The following MAP3K7CL variants were observed in gnomAD, a reference collection of about 807,000 sequenced individuals.
MAP3K7CL encodes the protein MAP3K7 C-terminal like, also known as MAP3K7 C-terminal-like protein.
A neutral mutation model predicts 18.6 loss-of-function variants in MAP3K7CL; 16 were observed. That is an observed-to-expected ratio of 0.86 (90% CI 0.58 to 1.31). The LOEUF (loss-of-function observed/expected upper bound fraction) is 1.31. Ranked by LOEUF, MAP3K7CL falls within the 50% of genes most tolerant of loss-of-function variation. MAP3K7CL has a pLI of 0.00. For synonymous variants in MAP3K7CL, 65 were observed against 66.8 expected (o/e 0.97, Z 0.13); for missense variants, 163 against 174.4 (o/e 0.93, Z 0.37).
intron 1 of MAP3K7CL, among the ~76,000 whole-genome samples, chr21:29,089,571 C>G (rs1236494596): frequency 2.0e-5 from 3 of 152,146 alleles, no homozygotes; most frequent in Non-Finnish European, 4.4e-5. Flanking sequence ...ATACTTGACA[C>G]CATTAAGCTT....
chr21:29,171,631 A>G (rs1030187741), intron 4 of MAP3K7CL, among the ~76,000 whole-genome samples: 9 of 152,092 alleles, frequency 5.9e-5, no homozygotes, highest in African/African-American at 2.2e-4. Flanking sequence ...AACATGGTGA[A>G]ACCCCATCTC....
intron 3 of MAP3K7CL, among the ~76,000 whole-genome samples, chr21:29,151,903 AT>A (rs2087284862): frequency 6.6e-6 from 1 of 152,220 alleles, no homozygotes; most frequent in Admixed American, 6.5e-5. Flanking sequence ...CTATTTAATT[AT>A]TTTATTCCAA....
chr21:29,150,109 A>G (rs935469588), intron 3 of MAP3K7CL, among the ~76,000 whole-genome samples: 1 of 152,092 alleles, frequency 6.6e-6, no homozygotes, highest in Non-Finnish European at 1.5e-5. Context: ...GCCCTGACAT[A>G]CCCTATTATC....
At chr21:29,138,088 T>C (rs1030262978) in intron 2 of MAP3K7CL, among the ~76,000 whole-genome samples, 1 of 152,218 alleles carries the variant, frequency 6.6e-6, no homozygotes, top group Admixed American at 6.5e-5. Context: ...TTTTCAGTGA[T>C]AGCAGAATGA....
intron 3 of MAP3K7CL, among the ~76,000 whole-genome samples, chr21:29,156,939 C>T (rs148120168): frequency 2.6e-5 from 4 of 151,984 alleles, no homozygotes; most frequent in East Asian, 3.9e-4. Flanking sequence ...GTGAATGGCT[C>T]GAGATTATAA....
intron 2 of MAP3K7CL, among the ~76,000 whole-genome samples, chr21:29,141,769 A>G (rs2087014087): frequency 6.6e-6 from 1 of 152,146 alleles, no homozygotes; most frequent in Admixed American, 6.5e-5. Flanking sequence ...GGGCCCTGAA[A>G]ATCCAATGTA....
At chr21:29,162,071 A>G (rs1264126165) in intron 4 of MAP3K7CL, among the ~76,000 whole-genome samples, 2 of 152,204 alleles carry the variant, frequency 1.3e-5, no homozygotes, top group Non-Finnish European at 2.9e-5. Context: ...TTGCATGATT[A>G]CACACAGTTG....
At chr21:29,079,577 A>C (rs1304933660) in intron 1 of MAP3K7CL, among the ~76,000 whole-genome samples, 1 of 152,344 alleles carries the variant, frequency 6.6e-6, no homozygotes, top group African/African-American at 2.4e-5. Context: ...GGTTCTGCTA[A>C]ATTTTCAGAA....
intron 4 of MAP3K7CL, among the ~76,000 whole-genome samples, chr21:29,165,146 T>C (rs2087653628): frequency 6.6e-6 from 1 of 152,292 alleles, no homozygotes; most frequent in African/African-American, 2.4e-5. Context: ...TACAATCAAC[T>C]GTAAAGTTTG....
In MAP3K7CL at chr21:29,168,968, G is replaced by C. The variant is rs1200100289; in HGVS notation, c.249-5744G>C. Among the ~76,000 whole-genome samples, 3 of 152,196 alleles carry C rather than the reference G, an allele frequency of 2.0e-5. No individual in the cohort carries two copies. In the East Asian group the frequency reaches 5.8e-4, roughly 29 times the overall value. On this transcript the variant is annotated intron_variant, in intron 4 of 4. Coordinates refer to ENST00000399928, the MANE Select transcript of MAP3K7CL (RefSeq NM_001286620.2). Reference sequence around the variant, plus strand: ...AGGATTAATTCTTGTCAGGTTGATTGATAGTGGGAATCTCCACTTCCTTTA... The same window carrying C: ...AGGATTAATTCTTGTCAGGTTGATTCATAGTGGGAATCTCCACTTCCTTTA...
intron 2 of MAP3K7CL, among the ~76,000 whole-genome samples, chr21:29,142,899 CTG>C (rs1414156683): frequency 6.6e-6 from 1 of 152,214 alleles, no homozygotes; most frequent in African/African-American, 2.4e-5. Flanking sequence ...AAATGCAAGT[CTG>C]TGTCCTACTG....
At chr21:29,140,034 C>T (rs2086972121) in intron 2 of MAP3K7CL, among the ~76,000 whole-genome samples, 1 of 149,376 alleles carries the variant, frequency 6.7e-6, no homozygotes, top group African/African-American at 2.5e-5. Context: ...TCATTATGAA[C>T]TCTCTCGAAT....
At chr21:29,170,419 A>C (rs571263578) in intron 4 of MAP3K7CL, among the ~76,000 whole-genome samples, 2 of 152,320 alleles carry the variant, frequency 1.3e-5, no homozygotes, top group South Asian at 4.1e-4. Flanking sequence ...AATCAAAATT[A>C]ATGACAGATA....
chr21:29,105,127 T>G (rs1312538219), intron 4 of MAP3K7CL, among the ~76,000 whole-genome samples: 1 of 152,216 alleles, frequency 6.6e-6, no homozygotes. Context: ...GAGTTAGTGG[T>G]GGGATCTAAT....
chr21:29,086,943 C>T (rs1177212396), intron 1 of MAP3K7CL, among the ~76,000 whole-genome samples: 1 of 152,160 alleles, frequency 6.6e-6, no homozygotes, highest in African/African-American at 2.4e-5. Context: ...GATGAAAGTC[C>T]TCCAATGGCT....
At chr21:29,109,930 TGTA>T in intron 4 of MAP3K7CL, 1 of 338,372 alleles carries the variant, frequency 3.0e-6, no homozygotes, top group Admixed American at 6.5e-5. Context: ...TCTAGCAATG[TGTA>T]GTAGATTTCT....
At chr21:29,123,113 A>G (rs945749924) in intron 4 of MAP3K7CL, among the ~76,000 whole-genome samples, 1 of 138,686 alleles carries the variant, frequency 7.2e-6, no homozygotes, top group African/African-American at 2.8e-5. Flanking sequence ...CCCAGGCTGA[A>G]GTGCAATGGC....
intron 3 of MAP3K7CL, among the ~76,000 whole-genome samples, chr21:29,159,389 G>A (rs183062608): frequency 5.3e-5 from 8 of 152,112 alleles, no homozygotes; most frequent in Admixed American, 2.6e-4. Flanking sequence ...AGGGAGATCC[G>A]GCCTTTCTTA....
intron 4 of MAP3K7CL, among the ~76,000 whole-genome samples, chr21:29,172,241 CTT>C (rs35612617): frequency 0.24 from 29,069 of 123,422 alleles, 1,902 homozygotes; most frequent in Non-Finnish European, 0.29. Context: ...TTGTCATTTT[CTT>C]TTTTTTTTTT....
Sources: allele counts gnomAD v4.1 joint callset (sites outside exome capture counted in the v4.1 genomes callset), GRCh38; gene constraint gnomAD v4.1.1; transcripts MANE v1.5; gene names NCBI Gene and HGNC (gene_info 2026-07-23, HGNC 2026-07-21).